Variants in BRSK2 observed in about 807,000 individuals in gnomAD.
The protein encoded by BRSK2 is BR serine/threonine kinase 2, also known as serine/threonine-protein kinase BRSK2.
Under a neutral mutation model 83.3 loss-of-function variants are expected in BRSK2, and 19 were observed. That is an observed-to-expected ratio of 0.23 (90% CI 0.16 to 0.33). BRSK2 has a LOEUF of 0.33. Among genes scored for constraint, BRSK2 ranks in the 10% least tolerant of loss-of-function variants. The pLI is 1.00. For synonymous variants in BRSK2, 519 were observed against 435.4 expected, an observed-to-expected ratio of 1.19 and a Z score of -2.39; for missense variants, 798 against 1,042.3, an observed-to-expected ratio of 0.77 and a Z score of 3.23.
chr11:1,399,697 C>G (rs1445313296), intron 1 of BRSK2, among the ~76,000 whole-genome samples: 1 of 152,162 alleles, frequency 6.6e-6, no homozygotes, highest in African/African-American at 2.4e-5. Flanking sequence ...CCCATGTCAT[C>G]TGCTGTGGCC....
intron 1 of BRSK2, among the ~76,000 whole-genome samples, chr11:1,403,876 C>T (rs544494189): frequency 3.3e-5 from 5 of 152,284 alleles, no homozygotes; most frequent in South Asian, 2.1e-4. Context: ...CGCTTCCCCA[C>T]GTGGGGAGGC....
rs557723440 is a variant in BRSK2, at chr11:1,420,012, G to A, written c.92-16028G>A. The stretch of plus-strand genomic sequence containing the variant: ...CGCGCCTCCTCCCACACCCGGGCAC[G>A]TGGTCGTTCGTCTCCAAGGAAGCCT... On this transcript the variant is annotated intron_variant, in intron 1 of 19. Coordinates refer to ENST00000528841, the MANE Select transcript of BRSK2 (RefSeq NM_001256627.2). Among the ~76,000 whole-genome samples, 4 of 152,346 alleles carry A rather than the reference G, an allele frequency of 2.6e-5. No individual in the cohort carries two copies. In the South Asian group the frequency reaches 6.2e-4, roughly 24 times the overall value.
At chr11:1,398,815 T>C (rs1846282632) in intron 1 of BRSK2, among the ~76,000 whole-genome samples, 1 of 152,118 alleles carries the variant, frequency 6.6e-6, no homozygotes, top group South Asian at 2.1e-4. Context: ...TCATCTGTGA[T>C]GGGGCCTGGG....
At chr11:1,427,951 C>T (rs968041040) in intron 1 of BRSK2, among the ~76,000 whole-genome samples, 2 of 152,184 alleles carry the variant, frequency 1.3e-5, no homozygotes, top group African/African-American at 4.8e-5. Context: ...GATACCAGGA[C>T]GCAGAGGCCT....
intron 1 of BRSK2, among the ~76,000 whole-genome samples, chr11:1,416,521 G>A (rs1484586471): frequency 2.6e-5 from 4 of 152,122 alleles, no homozygotes; most frequent in African/African-American, 7.2e-5. Flanking sequence ...TGTCCAACAC[G>A]TTCCCCCGGC....
intron 1 of BRSK2, among the ~76,000 whole-genome samples, chr11:1,427,000 G>C (rs1849310049): frequency 6.6e-6 from 1 of 152,144 alleles, no homozygotes; most frequent in South Asian, 2.1e-4. Context: ...GGGGCGGTGA[G>C]GGGGCTGCGC....
Position 1,460,727 on chromosome 11 carries a change from C to T in BRSK2, c.*4C>T. On this transcript the variant is annotated 3_prime_UTR_variant, in exon 20 of 20. Coordinates refer to ENST00000528841, the MANE Select transcript of BRSK2 (RefSeq NM_001256627.2). ...CGCCCGCCGCGAGCAGCCTTAGACA[C>T]ACTAGCCCCCCCCCCCAGCACAGCA... 7.2e-7 allele frequency: 1 copy of T among 1,396,104 alleles called. No individual in the cohort carries two copies. The highest frequency in any genetic ancestry group is 9.3e-7 in the Non-Finnish European group (1 of 1,073,638). The allele number at this position is 1,396,104 out of a possible 1,614,324, so 86.5% of individuals were successfully genotyped here. A position where few individuals can be genotyped will look rare whatever the true frequency, so the allele number is the denominator to read the frequency against.
At chr11:1,457,377 CG>C (rs2133274638) in intron 18 of BRSK2, among the ~76,000 whole-genome samples, 2 of 152,328 alleles carry the variant, frequency 1.3e-5, no homozygotes, top group South Asian at 2.1e-4. Context: ...CCAGCCAGAG[CG>C]GGGGCTTCAC....
intron 1 of BRSK2, among the ~76,000 whole-genome samples, chr11:1,407,412 C>T (rs190882429): frequency 2.8e-4 from 43 of 152,260 alleles, no homozygotes; most frequent in African/African-American, 9.4e-4. Flanking sequence ...CTTCTCACAT[C>T]GGACCCTTGG....
At chr11:1,451,459 C>T (rs1275604742) in intron 15 of BRSK2, 40 bp downstream of exon 15, 4 of 1,604,992 alleles carry the variant, frequency 2.5e-6, no homozygotes, top group Non-Finnish European at 3.4e-6. Flanking sequence ...TACCTGACAC[C>T]AGGCTGGCCG....
chr11:1,415,075 G>A (rs1005880903), intron 1 of BRSK2, among the ~76,000 whole-genome samples: 1 of 151,538 alleles, frequency 6.6e-6, no homozygotes, highest in Non-Finnish European at 1.5e-5. Context: ...AGACCTCAGA[G>A]TGGTAATTCT....
chr11:1,460,403 T>TCTCTTTCTCTCTACTTCCCTCCCCTC, intron 19 of BRSK2, 97 bp from the exon 20 acceptor site: 1 of 962,484 alleles, frequency 1.0e-6, no homozygotes, highest in Non-Finnish European at 1.4e-6. Context: ...GTTTGTTTGT[T>TCTCTTTCTCTCTACTTCCCTCCCCTC]CTCTTTCTCT....
rs112452177 is a variant in BRSK2, at chr11:1,440,934, G to T, written c.413+6G>T. On this transcript the variant is annotated splice_donor_region_variant and intron_variant, in intron 4 of 19. Transcript: ENST00000528841. Reference sequence around the variant, plus strand: ...TGCCACAGCCACTCCATATGGTGAGGCCCCACCCCTGGTGCCCCCCACTCC... The same window carrying T: ...TGCCACAGCCACTCCATATGGTGAGTCCCCACCCCTGGTGCCCCCCACTCC... The T allele has an allele frequency of 8.7e-6, 13 of 1,486,884 alleles. No individual in the cohort carries two copies. Among genetic ancestry groups the T allele is most frequent in the Admixed American group, 2.0e-5 (1 of 50,488 alleles). The allele number at this position is 1,486,884 out of a possible 1,614,324, so 92.1% of individuals were successfully genotyped here. A position where few individuals can be genotyped will look rare whatever the true frequency, so the allele number is the denominator to read the frequency against.
chr11:1,459,737 G>A (rs1040459157), intron 19 of BRSK2, among the ~76,000 whole-genome samples: 13 of 152,162 alleles, frequency 8.5e-5, no homozygotes, highest in African/African-American at 1.4e-4. Flanking sequence ...CCCCATTTCC[G>A]CCCCTCTTCT....
Position 1,460,791 on chromosome 11 carries a change from C to A in BRSK2, c.*68C>A. On this transcript the variant is annotated 3_prime_UTR_variant, in exon 20 of 20. Coordinates refer to ENST00000528841, the MANE Select transcript of BRSK2 (RefSeq NM_001256627.2). ...CCTCGCCGCCCGCCGCCCGCCCTGC[C>A]CCGAGTGGACCCGCGGCCGCGCCGC... is the stretch of plus-strand genomic sequence containing the variant. 1.4e-6 allele frequency: 2 copies of A among 1,464,120 alleles called. No homozygotes were observed. Among genetic ancestry groups the A allele is most frequent in the Non-Finnish European group, 1.8e-6 (2 of 1,116,670 alleles). 90.7% of individuals were successfully genotyped at this position (1,464,120 alleles called of 1,614,324 possible). A position where few individuals can be genotyped will look rare whatever the true frequency, so the allele number is the denominator to read the frequency against.
chr11:1,402,389 A>G (rs4963040), intron 1 of BRSK2, among the ~76,000 whole-genome samples: 27,783 of 152,234 alleles, frequency 0.18, 3,147 homozygotes, highest in Non-Finnish European at 0.24. Flanking sequence ...TTGGGGGTGG[A>G]TGGTCATGGG....
chr11:1,446,359 A>AGGGCTGGGCT (rs1023226755), intron 12 of BRSK2, among the ~76,000 whole-genome samples: 6 of 99,366 alleles, frequency 6.0e-5, no homozygotes, highest in African/African-American at 2.1e-4. Context: ...TGAGCTGGGC[A>AGGGCTGGGCT]GGGCTGGGCT....
At chr11:1,418,988 AATTG>A (rs1456037412) in intron 1 of BRSK2, among the ~76,000 whole-genome samples, 3 of 152,190 alleles carry the variant, frequency 2.0e-5, no homozygotes, top group Non-Finnish European at 4.4e-5. Context: ...CTGATTGATT[AATTG>A]ATTGATCGGT....
intron 1 of BRSK2, among the ~76,000 whole-genome samples, chr11:1,415,276 A>G (rs1358109939): frequency 6.6e-6 from 1 of 151,688 alleles, no homozygotes; most frequent in Non-Finnish European, 1.5e-5. Context: ...TTGTATTTTT[A>G]GTAGAGAGGG....
Sources: gnomAD v4.1 joint callset for allele counts (sites outside exome capture counted in the v4.1 genomes callset) on GRCh38, gnomAD v4.1.1 for gene constraint, MANE v1.5 for transcripts, NCBI Gene and HGNC (gene_info 2026-07-23, HGNC 2026-07-21) for gene names.